The following NSD2 variants were observed in gnomAD, a reference collection of about 807,000 sequenced individuals.
The protein encoded by NSD2 is histone-lysine N-methyltransferase NSD2.
NSD2 carries 12 observed loss-of-function variants against 139.0 expected under a neutral mutation model. The ratio of observed to expected loss-of-function variants is 0.09; its 90% CI spans 0.06 to 0.14. The LOEUF (loss-of-function observed/expected upper bound fraction) is 0.14. Ranked by LOEUF, NSD2 falls within the 10% of genes least tolerant of loss-of-function variation. NSD2 has a pLI of 1.00. For missense variants in NSD2, 1,155 were observed against 1,745.0 expected, an observed-to-expected ratio of 0.66 and a Z score of 6.02; for synonymous variants, 669 against 648.7, an observed-to-expected ratio of 1.03 and a Z score of -0.48.
chr4:1,946,010 C>T, intron 9 of NSD2: 1 of 1,042,354 alleles, frequency 9.6e-7, no homozygotes, highest in Non-Finnish European at 1.2e-6. Context: ...AGCCCTTTTG[C>T]CTTAGTGTGA....
At chr4:1,940,095 G>A in intron 9 of NSD2, 1 of 1,193,014 alleles carries the variant, frequency 8.4e-7, no homozygotes, top group Non-Finnish European at 1.0e-6. Context: ...CCCTCACACT[G>A]TAAGAGTTCA....
chr4:1,973,704 G>T lies in NSD2; in HGVS notation c.3373-1159G>T, dbSNP rs917131701. Among the ~76,000 whole-genome samples the T allele has an allele frequency of 6.6e-6, 1 of 152,264 alleles. No individual in the cohort carries two copies. The highest frequency in any genetic ancestry group is 2.4e-5 in the African/African-American group (1 of 41,476). ...ACCAGGGCTGGGTGCGTGGGCAGTT[G>T]TGTCAGAGGCCGCGTGTGAATAGTG... On this transcript the variant is annotated intron_variant, in intron 18 of 21. Transcript: ENST00000508803. The surrounding 1 kb of genome is among the most constrained non-coding windows in gnomAD (Gnocchi z 5.5).
intron 9 of NSD2, chr4:1,941,116 T>G (rs1403344289): frequency 4.7e-6 from 5 of 1,054,586 alleles, no homozygotes; most frequent in African/African-American, 1.7e-5. Context: ...AAAGGCAAAT[T>G]TTATACAAAT....
At position 1,982,174 on chromosome 4, in the gene NSD2, T is replaced by G. The variant is rs551105696; in HGVS notation, c.*3265T>G. 7.9e-6 allele frequency: 3 copies of G among 379,756 alleles called. No individual in the cohort carries two copies. The East Asian group carries it at 1.1e-4, about 14-fold the overall frequency. 23.5% of individuals were successfully genotyped at this position (379,756 alleles called of 1,614,324 possible). ...AAAATTGTGTATGAGTATTTTTGTA[T>G]TAAAAACATTTTAAAGGCTTTTTTC... On this transcript the variant is annotated 3_prime_UTR_variant, in exon 22 of 22. Coordinates refer to ENST00000508803, the MANE Select transcript of NSD2 (RefSeq NM_001042424.3).
At chr4:1,977,581 G>T (rs1727228763) in intron 21 of NSD2, among the ~76,000 whole-genome samples, 1 of 152,132 alleles carries the variant, frequency 6.6e-6, no homozygotes, top group African/African-American at 2.4e-5. Context: ...TTCGAGACCA[G>T]TCTGACCAAC....
chr4:1,943,940 G>T, intron 9 of NSD2: 1 of 1,064,126 alleles, frequency 9.4e-7, no homozygotes. Flanking sequence ...GTCAGCCAGC[G>T]CATAGGTGCT....
chr4:1,941,678 C>T, intron 9 of NSD2: 1 of 1,045,688 alleles, frequency 9.6e-7, no homozygotes, highest in South Asian at 4.6e-5. Context: ...TAGTGTGCAT[C>T]ATGTTCCTTA....
chr4:1,872,629 A>AGAGC (rs1553856463), intron 1 of NSD2, among the ~76,000 whole-genome samples: 49 of 142,690 alleles, frequency 3.4e-4, no homozygotes, highest in African/African-American at 8.3e-4. Context: ...AGAGAGAGAG[A>AGAGC]GAGAGAGCGC....
chr4:1,884,629 C>A (rs541666118), intron 1 of NSD2, among the ~76,000 whole-genome samples: 2 of 151,876 alleles, frequency 1.3e-5, no homozygotes, highest in Non-Finnish European at 2.9e-5. Context: ...CCTGACCTCA[C>A]GATCTGCCTG....
chr4:1,875,036 A>G (rs1714146687), intron 1 of NSD2, among the ~76,000 whole-genome samples: 1 of 152,100 alleles, frequency 6.6e-6, no homozygotes, highest in Non-Finnish European at 1.5e-5. Flanking sequence ...ATCATAGCTC[A>G]CTGTAACCTG....
At chr4:1,944,083 C>T (rs1045127844) in intron 9 of NSD2, 16 of 1,064,900 alleles carry the variant, frequency 1.5e-5, no homozygotes, top group South Asian at 9.1e-5. Flanking sequence ...TGTATCTCAG[C>T]GGGGGGTGGG....
chr4:1,910,966 C>T (rs1300533782), intron 3 of NSD2, among the ~76,000 whole-genome samples: 1 of 152,140 alleles, frequency 6.6e-6, no homozygotes, highest in Non-Finnish European at 1.5e-5. Flanking sequence ...CTTCCGCAGA[C>T]ACCTGGCCTT....
At chr4:1,910,391 A>G (rs1020764167) in intron 3 of NSD2, among the ~76,000 whole-genome samples, 4 of 151,974 alleles carry the variant, frequency 2.6e-5, no homozygotes, top group African/African-American at 9.7e-5. Context: ...ACACCCGACT[A>G]ATTTTGTATT....
At position 1,900,950 on chromosome 4, in the gene NSD2, G is replaced by A. The variant is rs751138696; in HGVS notation, c.296G>A (p.Arg99His). The change falls in exon 2 of 22, where the codon CGT (arginine) becomes CAT (histidine). Residue 99 changes from arginine to histidine, a missense_variant. Transcript: ENST00000508803. ...GEPGAHDAKL[R>H]FESQEMKGIG... Reference sequence around the variant, plus strand: ...CCCGGCGCACACGATGCCAAACTGCGTTTTGAGTCCCAGGAAATGAAAGGG... The same window carrying A: ...CCCGGCGCACACGATGCCAAACTGCATTTTGAGTCCCAGGAAATGAAAGGG... The A allele has an allele frequency of 1.2e-5, 19 of 1,614,048 alleles. No homozygotes were observed. In the Admixed American group the frequency reaches 1.7e-4, roughly 14 times the overall value.
chr4:1,918,030 C>T, intron 4 of NSD2, 111 bp from the exon 5 acceptor site: 1 of 1,352,178 alleles, frequency 7.4e-7, no homozygotes, highest in East Asian at 2.4e-5. Flanking sequence ...ATCCATCTGC[C>T]TTGACACCCA....
In NSD2 at chr4:1,942,564, A is replaced by C; in HGVS notation, c.1881+2786A>C. Reference sequence around the variant, plus strand: ...AAACAGATAACAAATTTTAAGACCAAGGTAAGATAACTAATCAAGGCCATT... The same window carrying C: ...AAACAGATAACAAATTTTAAGACCACGGTAAGATAACTAATCAAGGCCATT... On this transcript the variant is annotated intron_variant, in intron 9 of 21. Transcript: ENST00000508803. The surrounding 1 kb of genome is among the most constrained non-coding windows in gnomAD (Gnocchi z 4.0). 1 of 1,374,858 alleles carries C rather than the reference A, an allele frequency of 7.3e-7. No homozygotes were observed. Among genetic ancestry groups the C allele is most frequent in the East Asian group, 2.6e-5 (1 of 38,216 alleles). The allele number at this position is 1,374,858 out of a possible 1,614,324, so 85.2% of individuals were successfully genotyped here.
chr4:1,906,334 G>C (rs933468445), intron 3 of NSD2, among the ~76,000 whole-genome samples: 6 of 152,016 alleles, frequency 3.9e-5, no homozygotes, highest in African/African-American at 1.2e-4. Flanking sequence ...TACCTTCTGG[G>C]CTCAGGTGAT....
chr4:1,946,549 G>A lies in NSD2; in HGVS notation c.1882-4523G>A, dbSNP rs1206301168. On this transcript the variant is annotated intron_variant, in intron 9 of 21. Transcript: ENST00000508803. ...CTCCCAAAATGCTGGGATTACAGGC[G>A]TAAGCCACTGCACCTGGCGGGGTCT... 6.9e-6 allele frequency: 7 copies of A among 1,015,724 alleles called. No individual in the cohort carries two copies. In the South Asian group the frequency reaches 1.4e-4, roughly 20 times the overall value. 62.9% of individuals were successfully genotyped at this position (1,015,724 alleles called of 1,614,324 possible).
intron 12 of NSD2, 115 bp downstream of exon 12, chr4:1,953,639 T>C (rs889251140): frequency 2.2e-5 from 29 of 1,313,652 alleles, no homozygotes; most frequent in Non-Finnish European, 2.6e-5. Flanking sequence ...TTAATTATCT[T>C]GAGTGACTAA....
Sources: allele counts gnomAD v4.1 joint callset (sites outside exome capture counted in the v4.1 genomes callset), GRCh38; gene constraint gnomAD v4.1.1; non-coding constraint Gnocchi (gnomAD v3.1); transcripts MANE v1.5; gene names NCBI Gene and HGNC (gene_info 2026-07-23, HGNC 2026-07-21).